The following GPR26 variants were observed in gnomAD, a reference collection of about 807,000 sequenced individuals.
GPR26 encodes the protein G protein-coupled receptor 26.
A neutral mutation model predicts 23.1 loss-of-function variants in GPR26; 15 were observed. The ratio of observed to expected loss-of-function variants is 0.65; its 90% CI spans 0.43 to 1.00. The LOEUF (loss-of-function observed/expected upper bound fraction) is 1.00. GPR26 is among the 50% of genes least tolerant of loss of function. The pLI is 0.00. For missense variants in GPR26, 359 were observed against 470.5 expected, an observed-to-expected ratio of 0.76 and a Z score of 2.19; for synonymous variants, 228 against 222.1, an observed-to-expected ratio of 1.03 and a Z score of -0.24.
At chr10:123,676,652 C>T (rs1365909234) in intron 2 of GPR26, among the ~76,000 whole-genome samples, 1 of 152,198 alleles carries the variant, frequency 6.6e-6, no homozygotes, top group Non-Finnish European at 1.5e-5. Flanking sequence ...TCAGGGTTTT[C>T]CACAAGACAC....
chr10:123,688,175 G>A lies in GPR26; in HGVS notation c.*15G>A. On this transcript the variant is annotated 3_prime_UTR_variant, in exon 3 of 3. Coordinates refer to ENST00000284674, the MANE Select transcript of GPR26 (RefSeq NM_153442.4). Reference sequence around the variant, plus strand: ...TGTCTGAGTGAAGGACCGCGCTCCTGCTGAAGAGTTTAGAATGAGGCAGCG... The same window carrying A: ...TGTCTGAGTGAAGGACCGCGCTCCTACTGAAGAGTTTAGAATGAGGCAGCG... The A allele has an allele frequency of 2.0e-6, 3 of 1,529,856 alleles. No homozygotes were observed. The highest frequency in any genetic ancestry group is 2.7e-6 in the Non-Finnish European group (3 of 1,109,400). The allele number at this position is 1,529,856 out of a possible 1,614,324, so 94.8% of individuals were successfully genotyped here.
chr10:123,685,233 C>A (rs1845418342), intron 2 of GPR26, among the ~76,000 whole-genome samples: 1 of 152,190 alleles, frequency 6.6e-6, no homozygotes, highest in Admixed American at 6.5e-5. Flanking sequence ...GGCAGGAAAA[C>A]ATGGACTGAA....
At position 123,687,913 on chromosome 10, in the gene GPR26, C is replaced by T. The variant is rs561995114; in HGVS notation, c.783-16C>T. On this transcript the variant is annotated splice_polypyrimidine_tract_variant and intron_variant, in intron 2 of 2. Transcript: ENST00000284674. ...TTAGCTATGTCCTCATTAACAGCTT[C>T]CCTGTCTCTCCACAGGCTAGTGGAG... is the stretch of plus-strand genomic sequence containing the variant. 5.3e-5 allele frequency: 82 copies of T among 1,556,226 alleles called. No individual in the cohort carries two copies. In the South Asian group the frequency reaches 8.4e-4, roughly 16 times the overall value.
intron 1 of GPR26, among the ~76,000 whole-genome samples, chr10:123,669,778 G>A (rs988090446): frequency 1.3e-5 from 2 of 152,144 alleles, no homozygotes; most frequent in African/African-American, 4.8e-5. Flanking sequence ...AAAATACCCG[G>A]GACCCTCTCT....
rs1047254344 is a variant in GPR26, at chr10:123,691,726, A to G, written c.*3566A>G. On this transcript the variant is annotated 3_prime_UTR_variant, in exon 3 of 3. Transcript: ENST00000284674. ...TTAGGGCTTCATGTGTCTGGAAGGG[A>G]GCCATTAGCTCTTAAATTATTCACA... The G allele has an allele frequency of 6.6e-6, 1 of 152,150 alleles. No individual in the cohort carries two copies. The highest frequency in any genetic ancestry group is 2.4e-5 in the African/African-American group (1 of 41,432). 9.4% of individuals were successfully genotyped at this position (152,150 alleles called of 1,614,324 possible).
At chr10:123,676,946 A>T (rs1376390092) in intron 2 of GPR26, among the ~76,000 whole-genome samples, 1 of 152,188 alleles carries the variant, frequency 6.6e-6, no homozygotes, top group African/African-American at 2.4e-5. Flanking sequence ...TTACAGCACC[A>T]TCCACAGTGC....
intron 2 of GPR26, among the ~76,000 whole-genome samples, chr10:123,679,381 G>C (rs538079357): frequency 1.3e-5 from 2 of 152,226 alleles, no homozygotes; most frequent in Non-Finnish European, 2.9e-5. Flanking sequence ...ACGCAAGCTT[G>C]AATTTTTTCT....
rs143669994 is a variant in GPR26, at chr10:123,671,913, G to A, written c.669-2905G>A. ...AGCTCAGTTTTGCAAAGCTATGGAG[G>A]GGGACAAAATGACAGCAAGTGCAAA... On this transcript the variant is annotated intron_variant, in intron 1 of 2. Coordinates refer to ENST00000284674, the MANE Select transcript of GPR26 (RefSeq NM_153442.4). Among the ~76,000 whole-genome samples the A allele has an allele frequency of 9.7e-3, 1,473 of 152,294 alleles. 15 individuals carry two copies. The highest frequency in any genetic ancestry group is 0.031 in the Middle Eastern group (9 of 294).
chr10:123,695,253 A>C lies in GPR26; in HGVS notation c.*7093A>C, dbSNP rs1845530932. The stretch of plus-strand genomic sequence containing the variant: ...ACTTTTAAAGTAATTTGGATTTTTA[A>C]CTCAAAAGACGATGTGTACCCCTTG... On this transcript the variant is annotated 3_prime_UTR_variant, in exon 3 of 3. Coordinates refer to ENST00000284674, the MANE Select transcript of GPR26 (RefSeq NM_153442.4). 6.6e-6 allele frequency among the ~76,000 whole-genome samples: 1 copy of C among 152,190 alleles called. No homozygotes were observed. Among genetic ancestry groups the C allele is most frequent in the Admixed American group, 6.5e-5 (1 of 15,286 alleles).
intron 2 of GPR26, among the ~76,000 whole-genome samples, chr10:123,676,443 G>A (rs1845311695): frequency 6.6e-6 from 1 of 152,174 alleles, no homozygotes; most frequent in Admixed American, 6.5e-5. Context: ...GTGTTCAGCA[G>A]CATCCCTGGC....
At chr10:123,677,394 G>A (rs528491867) in intron 2 of GPR26, among the ~76,000 whole-genome samples, 5 of 152,240 alleles carry the variant, frequency 3.3e-5, no homozygotes, top group Admixed American at 2.6e-4. Context: ...AACCTCATGA[G>A]TACAAAATAT....
chr10:123,667,600 T>TGTGA (rs1359354942), intron 1 of GPR26, among the ~76,000 whole-genome samples: 2 of 139,178 alleles, frequency 1.4e-5, no homozygotes, highest in African/African-American at 2.7e-5. Flanking sequence ...TGTGTGTGTG[T>TGTGA]GAATTCTGAT....
Position 123,666,400 on chromosome 10 carries a change from C to T in GPR26, c.-8C>T. 2 of 1,419,232 alleles carry T rather than the reference C, an allele frequency of 1.4e-6. 1 individual carries two copies. The highest frequency in any genetic ancestry group is 3.0e-5 in the South Asian group (2 of 66,080). The allele number at this position is 1,419,232 out of a possible 1,614,324, so 87.9% of individuals were successfully genotyped here. On this transcript the variant is annotated 5_prime_UTR_variant, in exon 1 of 3. Coordinates refer to ENST00000284674, the MANE Select transcript of GPR26 (RefSeq NM_153442.4). ...GCGGACCCTGAGCGCCGGCGCGGGG[C>T]GCGCACCATGAACTCGTGGGACGCG... is the stretch of plus-strand genomic sequence containing the variant.
chr10:123,666,645 C>A lies in GPR26; in HGVS notation c.238C>A (p.Arg80Ser). The A allele has an allele frequency of 6.3e-7, 1 of 1,595,766 alleles. No homozygotes were observed. The highest frequency in any genetic ancestry group is 2.3e-5 in the East Asian group (1 of 44,196). The change falls in exon 1 of 3, where the codon CGC becomes AGC. Residue 80 changes from arginine (R) to serine (S), a missense_variant. Transcript: ENST00000284674. ...GCAGCCGGCGGGCGACCGCCTGTGC[C>A]GCCTGGCTGCCTTCCTCGACACCTT... ...QRQPAGDRLC[R>S]LAAFLDTFLA...
intron 2 of GPR26, among the ~76,000 whole-genome samples, chr10:123,687,213 G>A (rs967020584): frequency 3.3e-5 from 5 of 152,068 alleles, no homozygotes; most frequent in African/African-American, 7.2e-5. Context: ...ACCAGGATCC[G>A]AACCCAGGGA....
At chr10:123,681,154 T>G (rs925108107) in intron 2 of GPR26, among the ~76,000 whole-genome samples, 23 of 152,144 alleles carry the variant, frequency 1.5e-4, no homozygotes, top group Non-Finnish European at 1.0e-4. Flanking sequence ...ATTCCCATTT[T>G]AAAGATGAGG....
intron 2 of GPR26, among the ~76,000 whole-genome samples, chr10:123,678,337 T>G (rs1564731673): frequency 1.3e-5 from 2 of 152,112 alleles, no homozygotes; most frequent in Non-Finnish European, 2.9e-5. Context: ...ATATCATTCT[T>G]CAGTGGCCAG....
rs551419978 is a variant in GPR26, at chr10:123,688,119, G to A, written c.973G>A (p.Gly325Ser). Residue 325 changes from glycine to serine, a missense_variant, in exon 3 of 3, where the codon GGC becomes AGC. Gly to Ser is a moderately conservative substitution (Grantham distance 56). Transcript: ENST00000284674. ...CTCCATCCACTCCTCTGGCCTCACA[G>A]GCGACTCTCACAGCCAGAACATTCT... ...RRSIHSSGLT[G>S]DSHSQNILPV... The A allele has an allele frequency of 1.2e-6, 2 of 1,613,472 alleles. No individual in the cohort carries two copies. The highest frequency in any genetic ancestry group is 1.3e-5 in the African/African-American group (1 of 75,064).
intron 1 of GPR26, among the ~76,000 whole-genome samples, chr10:123,673,831 G>C (rs1845277067): frequency 6.6e-6 from 1 of 152,194 alleles, no homozygotes; most frequent in Admixed American, 6.5e-5. Flanking sequence ...TCATGCACGA[G>C]GGTTCAAATC....
Sources: gnomAD v4.1 joint callset for allele counts (sites outside exome capture counted in the v4.1 genomes callset) on GRCh38, gnomAD v4.1.1 for gene constraint, MANE v1.5 for transcripts, NCBI Gene and HGNC (gene_info 2026-07-23, HGNC 2026-07-21) for gene names.